Variants in UBP1 observed in about 807,000 individuals in gnomAD.
UBP1 encodes the protein upstream-binding protein 1.
In UBP1, 22 loss-of-function variants were observed where a neutral mutation model predicts 76.1. The ratio of observed to expected loss-of-function variants is 0.29; its 90% confidence interval spans 0.21 to 0.41. The LOEUF (loss-of-function observed/expected upper bound fraction) is 0.41. Ranked by LOEUF, UBP1 falls within the 10% of genes least tolerant of loss-of-function variation. The probability of loss-of-function intolerance (pLI) is 1.00; values close to 1 mark genes in which losing one functional copy is unlikely to be tolerated. For synonymous variants in UBP1, 224 were observed against 237.1 expected (o/e 0.94, Z 0.51); for missense variants, 436 against 668.1 (o/e 0.65, Z 3.83).
At chr3:33,437,914 A>C (rs910027152) in intron 1 of UBP1, among the ~76,000 whole-genome samples, 5 of 152,204 alleles carry the variant, frequency 3.3e-5, no homozygotes, top group Non-Finnish European at 5.9e-5. Context: ...CTCATCTCTT[A>C]GTTTTTGAGG....
rs951742964 is a variant in UBP1, at chr3:33,389,913, C to G, written c.*418G>C. On this transcript the variant is annotated 3_prime_UTR_variant, in exon 16 of 16. Transcript: ENST00000283629. ...AACAGCACTGTCCCCCATCTCCTCT[C>G]CAGGTCAGCATAAGGTTCAGGCAAT... 1.2e-5 allele frequency: 2 copies of G among 167,572 alleles called. No individual in the cohort carries two copies. The highest frequency in any genetic ancestry group is 2.6e-5 in the Non-Finnish European group (2 of 76,996). The allele number at this position is 167,572 out of a possible 1,614,324, so 10.4% of individuals were successfully genotyped here.
chr3:33,440,305 G>A lies in UBP1; in HGVS notation c.-457C>T, dbSNP rs1421918472. 7.1e-6 allele frequency: 1 copy of A among 140,040 alleles called. No homozygotes were observed. The highest frequency in any genetic ancestry group is 2.3e-4 in the East Asian group (1 of 4,292). 8.7% of individuals were successfully genotyped at this position (140,040 alleles called of 1,614,324 possible). On this transcript the variant is annotated 5_prime_UTR_variant, in exon 1 of 16. Coordinates refer to ENST00000283629, the MANE Select transcript of UBP1 (RefSeq NM_014517.5). ...TGACTCCTTGCCCCCGGCCCGCCCA[G>A]GCTCTAGCGCCACACCGCCCCGGCC...
In UBP1 at chr3:33,412,736, C is replaced by G; in HGVS notation, c.434G>C (p.Arg145Thr). 1 of 1,612,470 alleles carries G rather than the reference C, an allele frequency of 6.2e-7. No homozygotes were observed. Among genetic ancestry groups the G allele is most frequent in the Non-Finnish European group, 8.5e-7 (1 of 1,178,476 alleles). ...ACTGCCTGTACCTAAATCAAGAAGT[C>G]TGTCTCCTGGGCGATTCCACTTCCA... is the stretch of plus-strand genomic sequence containing the variant. ...EGWKWNRPGD[R>T]LLDLDIPMSV... Residue 145 changes from arginine (R) to threonine (T), a missense_variant, in exon 4 of 16, where the codon AGA becomes ACA. By Grantham distance (71) the Arg-to-Thr change is moderately conservative. Around this residue, in one of 3 missense-constraint regions of UBP1, gnomAD observed 161 missense variants for 237.9 expected, o/e 0.68. Transcript: ENST00000283629.
intron 1 of UBP1, among the ~76,000 whole-genome samples, chr3:33,432,551 C>CA (rs1250148520): frequency 1.3e-5 from 2 of 152,150 alleles, no homozygotes; most frequent in Non-Finnish European, 2.9e-5. Flanking sequence ...CTACTCTACT[C>CA]AAAATCACTG....
At chr3:33,393,572 A>G in intron 13 of UBP1, 118 bp from the exon 14 acceptor site, 1 of 938,528 alleles carries the variant, frequency 1.1e-6, no homozygotes, top group East Asian at 3.0e-5. Context: ...AAAGTAAAAA[A>G]ACATTTTAAA....
rs1054348587 is a variant in UBP1, at chr3:33,390,008, A to C, written c.*323T>G. The C allele has an allele frequency of 5.0e-5, 15 of 298,050 alleles. No individual in the cohort carries two copies. The highest frequency in any genetic ancestry group is 3.2e-4 in the African/African-American group (15 of 46,730). 18.5% of individuals were successfully genotyped at this position (298,050 alleles called of 1,614,324 possible). On this transcript the variant is annotated 3_prime_UTR_variant, in exon 16 of 16. Transcript: ENST00000283629. ...CTACATTCATTTCCAAACCGCATAC[A>C]GTGTAAAAAGACAGCAAAGGCTGCT...
rs1197524679 is a variant in UBP1, at chr3:33,390,137, T to G, written c.*194A>C. 18 of 605,728 alleles carry G rather than the reference T, an allele frequency of 3.0e-5. No homozygotes were observed. The highest frequency in any genetic ancestry group is 3.5e-5 in the Non-Finnish European group (12 of 339,752). The allele number at this position is 605,728 out of a possible 1,614,324, so 37.5% of individuals were successfully genotyped here. A position where few individuals can be genotyped will look rare whatever the true frequency, so the allele number is the denominator to read the frequency against. On this transcript the variant is annotated 3_prime_UTR_variant, in exon 16 of 16. Coordinates refer to ENST00000283629, the MANE Select transcript of UBP1 (RefSeq NM_014517.5). ...TGCTGTGCCGATGTGCTCACTCTCA[T>G]GAGGATGCTTGGCTATGGCAGTGAC...
At chr3:33,439,474 C>A (rs1463134492) in intron 1 of UBP1, among the ~76,000 whole-genome samples, 1 of 152,224 alleles carries the variant, frequency 6.6e-6, no homozygotes, top group Non-Finnish European at 1.5e-5. Flanking sequence ...AATAGCTGGG[C>A]GTGTTTTACA....
rs781082256 is a variant in UBP1 at position 33,397,141 on chromosome 3, G to A, written c.1181-6C>T. The A allele has an allele frequency of 6.4e-7, 1 of 1,569,932 alleles. No individual in the cohort carries two copies. Among genetic ancestry groups the A allele is most frequent in the Non-Finnish European group, 8.6e-7 (1 of 1,163,906 alleles). ...CAGTTTTAATAAGTCGGCACCTAGA[G>A]AAGAGCAAAAATATTTTTCTCAAAT... On this transcript the variant is annotated splice_polypyrimidine_tract_variant and splice_region_variant and intron_variant, in intron 11 of 15. Transcript: ENST00000283629.
intron 1 of UBP1, among the ~76,000 whole-genome samples, chr3:33,437,779 C>A (rs2045225850): frequency 6.6e-6 from 1 of 152,204 alleles, no homozygotes; most frequent in African/African-American, 2.4e-5. Context: ...AGTACAACTG[C>A]AGTCCAGGGA....
chr3:33,426,442 T>G (rs1017998001), intron 1 of UBP1, among the ~76,000 whole-genome samples: 29 of 152,194 alleles, frequency 1.9e-4, no homozygotes, highest in African/African-American at 6.8e-4. Context: ...TATTGAAATA[T>G]AATTTACATA....
intron 2 of UBP1, among the ~76,000 whole-genome samples, chr3:33,423,684 A>T (rs1336671882): frequency 2.0e-5 from 3 of 152,208 alleles, no homozygotes; most frequent in Non-Finnish European, 2.9e-5. Context: ...CTTCAAAAAA[A>T]TTTTGTTAAA....
rs1411114486 is a variant in UBP1 at position 33,389,203 on chromosome 3, G to A, written c.*1128C>T. On this transcript the variant is annotated 3_prime_UTR_variant, in exon 16 of 16. Transcript: ENST00000283629. ...ATAGAGAAAGAAGCTAGTATGTGGT[G>A]TATAAAAAGCCCCTAAATCATCACC... 2.0e-5 allele frequency: 3 copies of A among 152,610 alleles called. No individual in the cohort carries two copies. The highest frequency in any genetic ancestry group is 1.9e-4 in the East Asian group (1 of 5,196). 9.5% of individuals were successfully genotyped at this position (152,610 alleles called of 1,614,324 possible). A position where few individuals can be genotyped will look rare whatever the true frequency, so the allele number is the denominator to read the frequency against.
At chr3:33,401,764 A>G (rs9870206) in intron 9 of UBP1, among the ~76,000 whole-genome samples, 3,180 of 152,316 alleles carry the variant, frequency 0.021, 112 homozygotes, top group African/African-American at 0.072. Context: ...TGGGAACACA[A>G]TAAGTTCTCC....
At chr3:33,408,110 C>T (rs936068968) in intron 8 of UBP1, among the ~76,000 whole-genome samples, 1 of 152,042 alleles carries the variant, frequency 6.6e-6, no homozygotes, top group Admixed American at 6.6e-5. Flanking sequence ...ACATGAATCC[C>T]ATCAGAGTTT....
At chr3:33,415,140 T>G (rs2044696786) in intron 3 of UBP1, among the ~76,000 whole-genome samples, 1 of 152,242 alleles carries the variant, frequency 6.6e-6, no homozygotes, top group African/African-American at 2.4e-5. Flanking sequence ...TTTAACCAGC[T>G]TGCCAAAATA....
chr3:33,395,038 A>T (rs1481525520), intron 13 of UBP1, among the ~76,000 whole-genome samples: 1 of 152,166 alleles, frequency 6.6e-6, no homozygotes, highest in East Asian at 1.9e-4. Flanking sequence ...CTCCACAAAC[A>T]CTCATGTTTG....
chr3:33,412,556 T>C (rs1398535290), intron 4 of UBP1, among the ~76,000 whole-genome samples, 166 bp downstream of exon 4: 2 of 145,248 alleles, frequency 1.4e-5, no homozygotes, highest in African/African-American at 2.6e-5. Flanking sequence ...GCACTTATCC[T>C]GGGCGAGAGA....
intron 2 of UBP1, among the ~76,000 whole-genome samples, chr3:33,421,398 G>A (rs1413031868): frequency 1.3e-5 from 2 of 151,990 alleles, no homozygotes; most frequent in Non-Finnish European, 2.9e-5. Context: ...TCAGCCTCCC[G>A]AGTAGCTGGG....
Sources: allele counts gnomAD v4.1 joint callset (sites outside exome capture counted in the v4.1 genomes callset), GRCh38; gene constraint gnomAD v4.1.1; regional missense constraint gnomAD v4.1.1; transcripts MANE v1.5; gene names NCBI Gene and HGNC (gene_info 2026-07-23, HGNC 2026-07-21).